The following SAMD11 variants were observed in gnomAD, a reference collection of about 807,000 sequenced individuals.
SAMD11 encodes the protein sterile alpha motif domain containing 11.
In SAMD11, 77 loss-of-function variants were observed where a neutral mutation model predicts 64.4. The observed-to-expected ratio is 1.20, with a 90% CI of 0.99 to 1.44. The LOEUF is 1.44. SAMD11 is among the 40% of genes most tolerant of loss of function. SAMD11 has a pLI of 0.00. For synonymous variants in SAMD11, 658 were observed against 421.9 expected (o/e 1.56, Z -6.86); for missense variants, 1,402 against 943.3 (o/e 1.49, Z -6.37).
chr1:935,521 CAT>C (rs1459315765), intron 4 of SAMD11, among the ~76,000 whole-genome samples: 1 of 152,202 alleles, frequency 6.6e-6, no homozygotes, highest in East Asian at 1.9e-4. Flanking sequence ...GGCTGCTCCA[CAT>C]AGACCCTCCC....
In SAMD11 at chr1:925,907, C is replaced by T. The variant is rs745664963; in HGVS notation, c.518-15C>T. On this transcript the variant is annotated splice_polypyrimidine_tract_variant and intron_variant, in intron 1 of 13. Transcript: ENST00000616016. The stretch of plus-strand genomic sequence containing the variant: ...TGCCGCTCCCTCACAGGGTCTGCCT[C>T]GGCTCTGCTCGCAGGGAAAAGTCTG... 8 of 1,590,894 alleles carry T rather than the reference C, an allele frequency of 5.0e-6. No individual in the cohort carries two copies. The highest frequency in any genetic ancestry group is 2.6e-6 in the Non-Finnish European group (3 of 1,162,320).
chr1:932,530 C>T (rs1641217956), intron 4 of SAMD11, among the ~76,000 whole-genome samples: 1 of 152,262 alleles, frequency 6.6e-6, no homozygotes, highest in South Asian at 2.1e-4. Context: ...GGACTGAAGC[C>T]TCCGCCTGTT....
intron 4 of SAMD11, among the ~76,000 whole-genome samples, chr1:931,298 G>A (rs1641161181): frequency 1.3e-5 from 2 of 152,194 alleles, no homozygotes; most frequent in Non-Finnish European, 2.9e-5. Flanking sequence ...GGGACTGAGG[G>A]ACCCCAGACC....
chr1:926,018 G>A lies in SAMD11; in HGVS notation c.609+5G>A, dbSNP rs1374430336. 7 of 1,610,338 alleles carry A rather than the reference G, an allele frequency of 4.3e-6. No individual in the cohort carries two copies. In the Admixed American group the frequency reaches 5.0e-5, roughly 12 times the overall value. On this transcript the variant is annotated splice_donor_5th_base_variant and intron_variant, in intron 2 of 13. Coordinates refer to ENST00000616016, the MANE Select transcript of SAMD11 (RefSeq NM_001385641.1). ...TGCCGAATATCCTCCCCGGTGGTGA[G>A]ATGCGGGGCTCGGTTGGGGCTGGGA...
intron 5 of SAMD11, among the ~76,000 whole-genome samples, chr1:938,118 G>C (rs1008955505): frequency 1.3e-5 from 2 of 152,046 alleles, no homozygotes; most frequent in African/African-American, 2.4e-5. Flanking sequence ...GGAGTCAGGG[G>C]CTTCGGAGGA....
rs779964487 is a variant in SAMD11 at position 942,196 on chromosome 1, C to T, written c.1419C>T (p.Gly473=). 8.7e-5 allele frequency: 120 copies of T among 1,386,974 alleles called. 2 individuals are homozygous for T. The Middle Eastern group carries it at 1.1e-3, about 13-fold the overall frequency. 85.9% of individuals were successfully genotyped at this position (1,386,974 alleles called of 1,614,324 possible). ...SPQNAPHVAL[G]PHLRPPFLGV... ...AGAATGCCCCTCACGTCGCCCTGGGCCCCCATCTCAGGCCCCCCTTCCTGG... is the reference window on the plus strand; with the variant it reads ...AGAATGCCCCTCACGTCGCCCTGGGTCCCCATCTCAGGCCCCCCTTCCTGG... Residue 473 remains glycine (G), a synonymous_variant, in exon 9 of 14, where the codon GGC becomes GGT. Transcript: ENST00000616016.
At position 942,911 on chromosome 1, in the gene SAMD11, G is replaced by A. The variant is rs757977595; in HGVS notation, c.1906G>A (p.Asp636Asn). The part of the protein sequence containing the change: ...DEPPKDSDGE[D>N]PETAAVGCRG... The stretch of plus-strand genomic sequence containing the variant: ...GCCCCCCAAAGACTCGGACGGAGAG[G>A]ACCCCGAGACGGCAGCTGTTGGGTG... Residue 636 changes from aspartate to asparagine, a missense_variant, in exon 11 of 14, where the codon GAC (aspartate) becomes AAC (asparagine). Coordinates refer to ENST00000616016, the MANE Select transcript of SAMD11 (RefSeq NM_001385641.1). The A allele has an allele frequency of 7.1e-6, 11 of 1,555,766 alleles. No homozygotes were observed. The highest frequency in any genetic ancestry group is 1.7e-4 in the Middle Eastern group (1 of 6,004).
At chr1:926,359 C>T (rs1640891080) in intron 2 of SAMD11, among the ~76,000 whole-genome samples, 1 of 152,222 alleles carries the variant, frequency 6.6e-6, no homozygotes, top group South Asian at 2.1e-4. Flanking sequence ...TGGCACTGTG[C>T]CCTGTCACCG....
At chr1:925,844 G>A in intron 1 of SAMD11, 78 bp from the exon 2 acceptor site, 1 of 1,009,854 alleles carries the variant, frequency 9.9e-7, no homozygotes, top group Non-Finnish European at 1.6e-6. Context: ...GAGCCGGGGA[G>A]GGGGTACTGG....
chr1:940,948 C>A, intron 7 of SAMD11, 196 bp from the exon 8 acceptor site: 1 of 530,460 alleles, frequency 1.9e-6, no homozygotes, highest in Non-Finnish European at 3.3e-6. Context: ...CCCGACACTT[C>A]CTCGCCCAGC....
chr1:936,549 A>C (rs1414151943), intron 5 of SAMD11, among the ~76,000 whole-genome samples: 1 of 152,002 alleles, frequency 6.6e-6, no homozygotes, highest in Non-Finnish European at 1.5e-5. Flanking sequence ...CCCCCCTCAG[A>C]GGGCACTGCT....
At chr1:925,680 G>A (rs1640848840) in intron 1 of SAMD11, 1 of 424,980 alleles carries the variant, frequency 2.4e-6, no homozygotes, top group African/African-American at 2.1e-5. Context: ...GCGCCGGGTG[G>A]GGACGCCCAG....
At chr1:933,743 G>GT (rs569897063) in intron 4 of SAMD11, among the ~76,000 whole-genome samples, 10 of 151,962 alleles carry the variant, frequency 6.6e-5, no homozygotes, top group Non-Finnish European at 1.0e-4. Context: ...TATGTGCCTG[G>GT]GGGGGGCTTC....
intron 2 of SAMD11, among the ~76,000 whole-genome samples, chr1:927,135 C>G (rs114199821): frequency 6.6e-6 from 1 of 152,182 alleles, no homozygotes. Context: ...CCGACATGGA[C>G]CTGCACGCAC....
chr1:934,035 CA>C (rs1353845476), intron 4 of SAMD11, among the ~76,000 whole-genome samples: 9 of 102,364 alleles, frequency 8.8e-5, no homozygotes, highest in African/African-American at 4.4e-4. Context: ...TACAGGTGGG[CA>C]GGGGAGGCGG....
intron 5 of SAMD11, 34 bp downstream of exon 5, chr1:935,930 G>A: frequency 1.9e-6 from 3 of 1,601,150 alleles, no homozygotes; most frequent in Non-Finnish European, 2.6e-6. Context: ...GGCGGGGTCG[G>A]GGCTGTGGGG....
At position 942,688 on chromosome 1, in the gene SAMD11, G is replaced by A. The variant is rs1641860893; in HGVS notation, c.1683G>A (p.Leu561=). The stretch of plus-strand genomic sequence containing the variant: ...AGCTGCAGCGGCGCGGGGCCCTGCT[G>A]GTGCTGAACCACGGCGCGGCGCCAC... ...AEELQRRGAL[L]VLNHGAAPLL... Residue 561 remains leucine, a synonymous_variant, in exon 11 of 14, where the codon CTG becomes CTA. Transcript: ENST00000616016. The A allele has an allele frequency of 3.5e-6, 5 of 1,433,822 alleles. No individual in the cohort carries two copies. The highest frequency in any genetic ancestry group is 4.5e-6 in the Non-Finnish European group (5 of 1,104,258). 88.8% of individuals were successfully genotyped at this position (1,433,822 alleles called of 1,614,324 possible). A position where few individuals can be genotyped will look rare whatever the true frequency, so the allele number is the denominator to read the frequency against.
chr1:935,937 G>A (rs1641410197), intron 5 of SAMD11, 41 bp downstream of exon 5: 1 of 1,596,352 alleles, frequency 6.3e-7, no homozygotes, highest in South Asian at 1.1e-5. Flanking sequence ...TCGGGGCTGT[G>A]GGGCCAGAGG....
At chr1:928,039 C>T (rs1297594773) in intron 2 of SAMD11, among the ~76,000 whole-genome samples, 3 of 152,262 alleles carry the variant, frequency 2.0e-5, no homozygotes, top group Admixed American at 1.3e-4. Context: ...TTGCTTCCCT[C>T]TCTTCCCCAT....
Sources: allele counts gnomAD v4.1 joint callset (sites outside exome capture counted in the v4.1 genomes callset), GRCh38; gene constraint gnomAD v4.1.1; transcripts MANE v1.5; gene names NCBI Gene and HGNC (gene_info 2026-07-23, HGNC 2026-07-21).